The following SORCS1 variants were observed in gnomAD, a reference collection of about 807,000 sequenced individuals.
The protein encoded by SORCS1 is VPS10 domain-containing receptor SorCS1.
In SORCS1, 60 loss-of-function variants were observed where a neutral mutation model predicts 146.1. The ratio of observed to expected loss-of-function variants is 0.41; its 90% CI spans 0.33 to 0.51. The LOEUF (loss-of-function observed/expected upper bound fraction) is 0.51. Among genes scored for constraint, SORCS1 ranks in the 20% least tolerant of loss-of-function variants. SORCS1 has a pLI of 0.21. For synonymous variants in SORCS1, 637 were observed against 584.0 expected (o/e 1.09, Z -1.31); for missense variants, 1,352 against 1,487.6 (o/e 0.91, Z 1.50).
intron 1 of SORCS1, among the ~76,000 whole-genome samples, chr10:107,015,038 C>A (rs559949472): frequency 6.6e-6 from 1 of 152,276 alleles, no homozygotes; most frequent in South Asian, 2.1e-4. Context: ...GCTCCTCAGA[C>A]CCTTGTGAAC....
chr10:106,696,669 T>C (rs142525426), intron 9 of SORCS1, among the ~76,000 whole-genome samples: 1 of 152,336 alleles, frequency 6.6e-6, no homozygotes, highest in East Asian at 1.9e-4. Context: ...AAAGCAATGT[T>C]TGGCATGTCC....
rs758121854 is a variant in SORCS1 at position 106,671,358 on chromosome 10, A to G, written c.2068T>C (p.Cys690Arg). 1 of 1,613,996 alleles carries G rather than the reference A, an allele frequency of 6.2e-7. No homozygotes were observed. Among genetic ancestry groups the G allele is most frequent in the Non-Finnish European group, 8.5e-7 (1 of 1,179,956 alleles). Residue 690 changes from cysteine (C) to arginine (R), a missense_variant, in exon 16 of 26, where the codon TGT becomes CGT. Coordinates refer to ENST00000263054, the MANE Select transcript of SORCS1 (RefSeq NM_052918.5). Reference sequence around the variant, plus strand: ...TATATCCTTTTTGCTCCCATGATACATGCTTCCCCCTGTAAGCAGAGAAGG... The same window carrying G: ...TATATCCTTTTTGCTCCCATGATACGTGCTTCCCCCTGTAAGCAGAGAAGG... ...PWQLHSQGEA[C>R]IMGAKRIYKK...
At chr10:107,004,662 C>T (rs2139662713) in intron 1 of SORCS1, among the ~76,000 whole-genome samples, 1 of 152,220 alleles carries the variant, frequency 6.6e-6, no homozygotes, top group African/African-American at 2.4e-5. Flanking sequence ...CAAACCATAT[C>T]ATTTCCTGAT....
At chr10:107,089,601 C>T (rs902751343) in intron 1 of SORCS1, among the ~76,000 whole-genome samples, 1 of 152,020 alleles carries the variant, frequency 6.6e-6, no homozygotes, top group Admixed American at 6.6e-5. Flanking sequence ...GAACAGGGGA[C>T]TCAAACTAGT....
At chr10:106,932,459 A>T (rs1183777676) in intron 2 of SORCS1, among the ~76,000 whole-genome samples, 3 of 152,184 alleles carry the variant, frequency 2.0e-5, no homozygotes, top group Non-Finnish European at 2.9e-5. Context: ...GGTGACAAAG[A>T]AAAGGTATAC....
intron 4 of SORCS1, among the ~76,000 whole-genome samples, chr10:106,774,290 G>C (rs11193044): frequency 0.047 from 7,121 of 152,060 alleles, 267 homozygotes; most frequent in East Asian, 0.11. Flanking sequence ...ACTGATTAAC[G>C]CTTGAAATCT....
the SORCS1 span, among the ~76,000 whole-genome samples, chr10:107,179,904 CTTTTTTTTTTTTTTTT>C: frequency 7.8e-5 from 4 of 51,284 alleles, no homozygotes; most frequent in South Asian, 2.6e-3. Flanking sequence ...ACAAAACAGA[CTTTTTTTTTTTTTTTT>C]TTTTTTTTTT....
intron 6 of SORCS1, among the ~76,000 whole-genome samples, chr10:106,710,307 C>T (rs919941780): frequency 1.3e-5 from 2 of 151,716 alleles, no homozygotes; most frequent in South Asian, 2.1e-4. Flanking sequence ...ATGAGCTGGG[C>T]GCAGTGGCAG....
chr10:106,599,769 C>CTT (rs548263701), intron 23 of SORCS1, among the ~76,000 whole-genome samples: 4 of 144,094 alleles, frequency 2.8e-5, no homozygotes, highest in African/African-American at 7.6e-5. Context: ...TTCTTTCTTT[C>CTT]TTTTTTTTTT....
intron 4 of SORCS1, among the ~76,000 whole-genome samples, chr10:106,773,790 A>G (rs772405813): frequency 6.6e-6 from 1 of 152,130 alleles, no homozygotes; most frequent in South Asian, 2.1e-4. Flanking sequence ...TCTACTAAAG[A>G]TACAAAAAAT....
rs58902566 is a variant in SORCS1 at position 106,977,606 on chromosome 10, T to TTTA, written c.559-21027_559-21026insTAA. Among the ~76,000 whole-genome samples, 209 of 150,256 alleles carry TTTA rather than the reference T, an allele frequency of 1.4e-3. 2 individuals carry two copies. The highest frequency in any genetic ancestry group is 4.8e-3 in the African/African-American group (198 of 40,916). On this transcript the variant is annotated intron_variant, in intron 1 of 25. Coordinates refer to ENST00000263054, the MANE Select transcript of SORCS1 (RefSeq NM_052918.5). ...TTCATTGGATTTTTTTTTTTTTTTT[T>TTTA]AATTTGTTCCCGCTGAATTTTGTTT...
intron 8 of SORCS1, 36 bp downstream of exon 8, chr10:106,706,509 T>A (rs753941696): frequency 3.8e-5 from 61 of 1,597,252 alleles, no homozygotes; most frequent in Non-Finnish European, 5.1e-5. Context: ...TGAATGAGAG[T>A]CAAGAGTGAA....
chr10:106,772,498 C>T (rs942647298), intron 4 of SORCS1, among the ~76,000 whole-genome samples: 1 of 151,964 alleles, frequency 6.6e-6, no homozygotes, highest in South Asian at 2.1e-4. Flanking sequence ...CTCCCCTCCT[C>T]TCTCTCTCTC....
intron 1 of SORCS1, among the ~76,000 whole-genome samples, chr10:106,994,910 C>T (rs1164454836): frequency 1.3e-5 from 2 of 152,150 alleles, no homozygotes; most frequent in African/African-American, 4.8e-5. Flanking sequence ...TGAATCTATC[C>T]GTTTCCTCAT....
chr10:107,132,756 G>T (rs1194767649), intron 1 of SORCS1, among the ~76,000 whole-genome samples: 3 of 152,120 alleles, frequency 2.0e-5, no homozygotes, highest in Non-Finnish European at 4.4e-5. Flanking sequence ...GTTTGTTAAA[G>T]CATTAACCAG....
At chr10:106,830,557 C>T (rs1033126382) in intron 2 of SORCS1, among the ~76,000 whole-genome samples, 2 of 150,626 alleles carry the variant, frequency 1.3e-5, no homozygotes, top group South Asian at 2.1e-4. Context: ...TTTCATTATA[C>T]CTCAGCTTTT....
intron 1 of SORCS1, among the ~76,000 whole-genome samples, chr10:106,992,066 G>C (rs370244766): frequency 2.6e-5 from 4 of 152,228 alleles, no homozygotes; most frequent in East Asian, 3.9e-4. Context: ...AGAGTGAAGA[G>C]AGATATAGAA....
chr10:106,846,435 TA>T (rs1298635072), intron 2 of SORCS1, among the ~76,000 whole-genome samples: 4 of 782 alleles, frequency 5.1e-3, no homozygotes, highest in African/African-American at 0.02. Context: ...ATTGATTTTG[TA>T]TCCTGAGACT....
At chr10:107,086,921 CG>C (rs942421271) in intron 1 of SORCS1, among the ~76,000 whole-genome samples, 1 of 152,120 alleles carries the variant, frequency 6.6e-6, no homozygotes, top group Non-Finnish European at 1.5e-5. Context: ...CCCAGCTACT[CG>C]GGAGGCTGAG....
Sources: allele counts gnomAD v4.1 joint callset (sites outside exome capture counted in the v4.1 genomes callset), GRCh38; gene constraint gnomAD v4.1.1; transcripts MANE v1.5; gene names NCBI Gene and HGNC (gene_info 2026-07-23, HGNC 2026-07-21).